Variants in CYSLTR1 observed in about 807,000 individuals in gnomAD.
CYSLTR1 encodes cysteinyl leukotriene receptor 1.
CYSLTR1 carries 1 observed loss-of-function variant against 2.1 expected under a neutral mutation model. The observed-to-expected ratio is 0.48, with a 90% CI of 0.17 to 2.28. The LOEUF (loss-of-function observed/expected upper bound fraction) is 2.28, where lower values mean the gene tolerates loss of function less well. CYSLTR1 is among the 30% of genes most tolerant of loss of function. CYSLTR1 has a pLI of 0.26. For missense variants in CYSLTR1, 299 were observed against 250.1 expected (o/e 1.20, Z -1.32); for synonymous variants, 110 against 89.6 (o/e 1.23, Z -1.28).
At chrX:78,312,084 T>C (rs1214450703) in intron 1 of CYSLTR1, among the ~76,000 whole-genome samples, 3 of 111,679 alleles carry the variant, frequency 2.7e-5, no homozygotes, top group African/African-American at 9.8e-5. Context: ...CAAACCATAC[T>C]ATAAGACTAC....
chrX:78,290,523 G>T (rs1345703326), intron 1 of CYSLTR1, among the ~76,000 whole-genome samples: 1 of 111,576 alleles, frequency 9.0e-6, no homozygotes, highest in Non-Finnish European at 1.9e-5. Flanking sequence ...GCTTGATGAT[G>T]ATGGCATTGA....
At chrX:78,319,531 T>G (rs1923557167) in intron 1 of CYSLTR1, 1 of 110,434 alleles carries the variant, frequency 9.1e-6, no homozygotes, top group Admixed American at 9.6e-5. Context: ...ACATTTGGGT[T>G]GGTTCCAAGT....
chrX:78,274,425 C>T (rs1921476209), intron 2 of CYSLTR1, among the ~76,000 whole-genome samples: 1 of 111,405 alleles, frequency 9.0e-6, no homozygotes, highest in South Asian at 3.8e-4. Context: ...AATAATACCA[C>T]ACATCTACAA....
chrX:78,324,437 G>A (rs1461997799), intron 1 of CYSLTR1, among the ~76,000 whole-genome samples: 2 of 111,676 alleles, frequency 1.8e-5, no homozygotes, highest in Non-Finnish European at 3.8e-5. Flanking sequence ...GCGCGATCTC[G>A]GCTCACTGCG....
At position 78,273,351 on chromosome X, in the gene CYSLTR1, A is replaced by G. The variant is rs201233807; in HGVS notation, c.396T>C (p.Ile132=). 1 of 1,211,224 alleles carries G rather than the reference A, an allele frequency of 8.3e-7. No individual in the cohort carries two copies. Among genetic ancestry groups the G allele is most frequent in the East Asian group, 3.0e-5 (1 of 33,836 alleles). Residue 132 remains isoleucine, a synonymous_variant, in exon 3 of 3, where the codon ATT becomes ATC. Coordinates refer to ENST00000373304, the MANE Select transcript of CYSLTR1 (RefSeq NM_006639.4). The part of the protein sequence containing the change: ...CIAIVFPVQN[I]NLVTQKKARF... Reference sequence around the variant, plus strand: ...TGGCTTTTTTCTGTGTAACCAAATTAATGTTCTGGACTGGAAAAACAATTG... The same window carrying G: ...TGGCTTTTTTCTGTGTAACCAAATTGATGTTCTGGACTGGAAAAACAATTG...
intron 1 of CYSLTR1, among the ~76,000 whole-genome samples, chrX:78,284,448 T>G (rs1366465068): frequency 9.0e-6 from 1 of 111,431 alleles, no homozygotes; most frequent in Non-Finnish European, 1.9e-5. Context: ...CTGGAGTGGC[T>G]GGAGTGCAGT....
At chrX:78,286,425 C>G (rs1470304812) in intron 1 of CYSLTR1, among the ~76,000 whole-genome samples, 2 of 111,812 alleles carry the variant, frequency 1.8e-5, no homozygotes, top group African/African-American at 6.5e-5. Context: ...GTACAAGTCT[C>G]TATATGGGCA....
At chrX:78,290,203 A>G (rs1026093884) in intron 1 of CYSLTR1, among the ~76,000 whole-genome samples, 1 of 111,882 alleles carries the variant, frequency 8.9e-6, no homozygotes, top group Non-Finnish European at 1.9e-5. Flanking sequence ...TCCCAGCACC[A>G]TTTATTAAAT....
At chrX:78,324,569 T>C (rs1023248386) in intron 1 of CYSLTR1, among the ~76,000 whole-genome samples, 3 of 111,210 alleles carry the variant, frequency 2.7e-5, no homozygotes, top group African/African-American at 9.8e-5. Context: ...GGTTTCACCA[T>C]ATTGGCCAGG....
intron 1 of CYSLTR1, among the ~76,000 whole-genome samples, chrX:78,312,269 C>A (rs751120111): frequency 9.0e-6 from 1 of 111,328 alleles, no homozygotes; most frequent in African/African-American, 3.3e-5. Flanking sequence ...GGATAACTGG[C>A]TAGCCATATG....
intron 1 of CYSLTR1, among the ~76,000 whole-genome samples, chrX:78,295,046 T>C (rs372426668): frequency 4.5e-5 from 5 of 112,141 alleles, no homozygotes; most frequent in African/African-American, 1.6e-4. Context: ...AATGCTGAAA[T>C]CACCCATCTT....
intron 1 of CYSLTR1, among the ~76,000 whole-genome samples, chrX:78,291,064 G>T (rs1021412269): frequency 8.9e-6 from 1 of 111,793 alleles, no homozygotes; most frequent in Non-Finnish European, 1.9e-5. Flanking sequence ...TCCAGTTTTT[G>T]CCCATTCAGT....
At chrX:78,299,968 G>C (rs1194752217) in intron 1 of CYSLTR1, among the ~76,000 whole-genome samples, 2 of 108,503 alleles carry the variant, frequency 1.8e-5, no homozygotes, top group African/African-American at 3.4e-5. Flanking sequence ...CTGTAGGAAT[G>C]CTTCATTGTT....
intron 1 of CYSLTR1, among the ~76,000 whole-genome samples, chrX:78,300,467 C>G (rs191887673): frequency 6.3e-4 from 71 of 112,983 alleles, no homozygotes; most frequent in African/African-American, 2.1e-3. Context: ...TTTGAGAGCA[C>G]TTGGGTGTTG....
intron 1 of CYSLTR1, among the ~76,000 whole-genome samples, chrX:78,303,123 T>C (rs1922888757): frequency 8.9e-6 from 1 of 111,853 alleles, no homozygotes; most frequent in Non-Finnish European, 1.9e-5. Flanking sequence ...AATTCCCCTC[T>C]GCCTAGGGCT....
chrX:78,271,712 A>C lies in CYSLTR1; in HGVS notation c.*1021T>G, dbSNP rs1005579076. The C allele has an allele frequency of 8.0e-5, 9 of 112,148 alleles. No individual in the cohort carries two copies. Among genetic ancestry groups the C allele is most frequent in the Non-Finnish European group, 1.1e-4 (6 of 53,227 alleles). 9.2% of individuals were successfully genotyped at this position (112,148 alleles called of 1,213,427 possible). ...TAAAGCAATAATAAAACTTATCGTG[A>C]ACTTTCACCCATAATGCATATCATA... On this transcript the variant is annotated 3_prime_UTR_variant, in exon 3 of 3. Transcript: ENST00000373304.
At chrX:78,296,491 A>G (rs904101751) in intron 1 of CYSLTR1, among the ~76,000 whole-genome samples, 1 of 111,698 alleles carries the variant, frequency 9.0e-6, no homozygotes, top group Non-Finnish European at 1.9e-5. Flanking sequence ...TTTGGGTAGT[A>G]TGGACATTTA....
chrX:78,320,660 A>G (rs995669596), intron 1 of CYSLTR1: 4 of 111,881 alleles, frequency 3.6e-5, no homozygotes, highest in African/African-American at 9.8e-5. Context: ...AGTCATTGGT[A>G]GCTTCATGGG....
Position 78,282,902 on chromosome X carries a change from C to G in CYSLTR1, c.-28+552G>C, listed in dbSNP as rs773466858. Among the ~76,000 whole-genome samples, 4 of 112,138 alleles carry G rather than the reference C, an allele frequency of 3.6e-5. 1 individual carries two copies. The South Asian group carries it at 1.5e-3, about 42-fold the overall frequency. On this transcript the variant is annotated intron_variant, in intron 2 of 2. Coordinates refer to ENST00000373304, the MANE Select transcript of CYSLTR1 (RefSeq NM_006639.4). ...AGATGGTCTATAGTCTCATTAATAA[C>G]TTCCCAGTCCTTGCAGACCAAAATA...
Sources: gnomAD v4.1 joint callset for allele counts (sites outside exome capture counted in the v4.1 genomes callset) on GRCh38, gnomAD v4.1.1 for gene constraint, MANE v1.5 for transcripts, NCBI Gene and HGNC (gene_info 2026-07-23, HGNC 2026-07-21) for gene names.